Variants in TXNRD1 observed in about 807,000 individuals in gnomAD.
The protein encoded by TXNRD1 is thioredoxin reductase 1.
A neutral mutation model predicts 80.3 loss-of-function variants in TXNRD1; 57 were observed. The ratio of observed to expected loss-of-function variants is 0.71; its 90% CI spans 0.57 to 0.89. TXNRD1 has a LOEUF of 0.89. Among genes scored for constraint, TXNRD1 ranks in the 40% least tolerant of loss-of-function variants. The pLI, the probability that TXNRD1 is intolerant of heterozygous loss-of-function variation, is 0.00. For synonymous variants in TXNRD1, 291 were observed against 285.2 expected (o/e 1.02, Z -0.20); for missense variants, 730 against 803.0 (o/e 0.91, Z 1.10).
intron 4 of TXNRD1, chr12:104,303,888 C>T (rs930393181): frequency 1.3e-6 from 2 of 1,528,974 alleles, no homozygotes; most frequent in Non-Finnish European, 8.7e-7. Flanking sequence ...GTGATCATCC[C>T]CGGTAGCGAG....
intron 3 of TXNRD1, among the ~76,000 whole-genome samples, chr12:104,268,917 C>CTTT (rs34134230): frequency 1.6e-5 from 2 of 127,810 alleles, no homozygotes; most frequent in African/African-American, 2.9e-5. Context: ...GTTGTCATTT[C>CTTT]TTTTTTTTTT....
chr12:104,311,196 T>C (rs745697494), intron 4 of TXNRD1, 94 bp from the exon 5 acceptor site: 79 of 1,369,198 alleles, frequency 5.8e-5, no homozygotes, highest in Non-Finnish European at 7.2e-5. Context: ...GAAAATTCCT[T>C]TTGTTTTTCT....
chr12:104,298,711 G>T (rs1406947745), intron 4 of TXNRD1, among the ~76,000 whole-genome samples: 2 of 151,846 alleles, frequency 1.3e-5, no homozygotes, highest in Non-Finnish European at 2.9e-5. Context: ...GCAACCAAGC[G>T]AGACTCTATC....
At chr12:104,265,885 C>G (rs2033474197) in intron 3 of TXNRD1, 5 of 1,051,842 alleles carry the variant, frequency 4.8e-6, no homozygotes, top group Non-Finnish European at 6.7e-6. Context: ...CTCAGGAACG[C>G]CCCGGTGGAA....
chr12:104,234,489 T>TTG lies in TXNRD1; in HGVS notation c.92-17037_92-17036insGT, dbSNP rs1334310540. 5.9e-5 allele frequency among the ~76,000 whole-genome samples: 9 copies of TTG among 151,990 alleles called. No individual in the cohort carries two copies. The East Asian group carries it at 1.4e-3, about 23-fold the overall frequency. ...TTTGTATTATTGGTGGAGAAGGGGT[T>TTG]TCACCATATTGGCCAGGCTGGTCTT... On this transcript the variant is annotated intron_variant, in intron 1 of 16. Coordinates refer to ENST00000525566, the MANE Select transcript of TXNRD1 (RefSeq NM_001093771.3).
chr12:104,304,578 A>C, intron 4 of TXNRD1: 1 of 1,614,056 alleles, frequency 6.2e-7, no homozygotes, highest in Non-Finnish European at 8.5e-7. Flanking sequence ...AGTTATCCAG[A>C]AGCGACAGAA....
intron 1 of TXNRD1, among the ~76,000 whole-genome samples, chr12:104,243,202 T>C (rs894280025): frequency 1.3e-5 from 2 of 152,224 alleles, no homozygotes; most frequent in African/African-American, 4.8e-5. Flanking sequence ...TACTAATAAC[T>C]ACAATGTACT....
intron 6 of TXNRD1, 139 bp from the exon 7 acceptor site, chr12:104,315,638 G>A: frequency 1.1e-6 from 1 of 918,994 alleles, no homozygotes; most frequent in Non-Finnish European, 1.5e-6. Context: ...TAAGAGTTAG[G>A]AATAAACTTT....
Position 104,292,767 on chromosome 12 carries a change from G to A in TXNRD1, c.414+3727G>A, listed in dbSNP as rs899514228. On this transcript the variant is annotated intron_variant, in intron 4 of 16. Coordinates refer to ENST00000525566, the MANE Select transcript of TXNRD1 (RefSeq NM_001093771.3). ...TTAGGATAAATGTCAAGTTTGAGAC[G>A]CTTTAATATTATTGTACATAGGGTA... Among the ~76,000 whole-genome samples the A allele has an allele frequency of 5.3e-4, 81 of 152,218 alleles. 1 individual carries two copies. The highest frequency in any genetic ancestry group is 1.6e-3 in the African/African-American group (67 of 41,508).
chr12:104,309,860 G>A, intron 4 of TXNRD1: 2 of 1,535,782 alleles, frequency 1.3e-6, no homozygotes, highest in Non-Finnish European at 1.7e-6. Flanking sequence ...GACTGTCAGA[G>A]TGGTGCAGTC....
intron 12 of TXNRD1, among the ~76,000 whole-genome samples, 160 bp from the exon 13 acceptor site, chr12:104,327,355 A>G (rs2035800419): frequency 6.6e-6 from 1 of 152,148 alleles, no homozygotes; most frequent in African/African-American, 2.4e-5. Context: ...ATCTGATAAG[A>G]TTTTTGTTCC....
chr12:104,340,300 A>T (rs2135887360), intron 16 of TXNRD1, among the ~76,000 whole-genome samples: 1 of 152,282 alleles, frequency 6.6e-6, no homozygotes, highest in East Asian at 1.9e-4. Flanking sequence ...TAATGCCTTT[A>T]ATGTGCAATA....
At position 104,325,415 on chromosome 12, in the gene TXNRD1, G is replaced by A; in HGVS notation, c.1294G>A (p.Gly432Arg). ...CACCAATAGTGAGGAAATCATTGAAGGAGAATATAATACGGTAAGGAATGG... is the reference window on the plus strand; with the variant it reads ...CACCAATAGTGAGGAAATCATTGAAAGAGAATATAATACGGTAAGGAATGG... ...QSTNSEEIIE[G>R]EYNTVMLAIG... The change falls in exon 11 of 17, where the codon GGA (glycine) becomes AGA (arginine). Residue 432 changes from glycine to arginine, a missense_variant. Coordinates refer to ENST00000525566, the MANE Select transcript of TXNRD1 (RefSeq NM_001093771.3). 1 of 1,611,762 alleles carries A rather than the reference G, an allele frequency of 6.2e-7. No individual in the cohort carries two copies. Among genetic ancestry groups the A allele is most frequent in the South Asian group, 1.1e-5 (1 of 90,650 alleles).
At chr12:104,326,274 G>A (rs2035758944) in intron 11 of TXNRD1, 73 bp from the exon 12 acceptor site, 1 of 1,030,672 alleles carries the variant, frequency 9.7e-7, no homozygotes, top group South Asian at 1.6e-5. Context: ...TTAATAAGCA[G>A]AGAAAAATAT....
chr12:104,324,000 G>A (rs1419902471), intron 10 of TXNRD1, among the ~76,000 whole-genome samples: 1 of 152,196 alleles, frequency 6.6e-6, no homozygotes, highest in Non-Finnish European at 1.5e-5. Flanking sequence ...ACCTTCTGTG[G>A]AGAGTGGGGA....
Position 104,242,231 on chromosome 12 carries a change from G to T in TXNRD1, c.92-9296G>T, listed in dbSNP as rs935643308. Among the ~76,000 whole-genome samples the T allele has an allele frequency of 2.0e-4, 31 of 151,620 alleles. 1 individual carries two copies. The highest frequency in any genetic ancestry group is 2.0e-3 in the Admixed American group (31 of 15,238). The stretch of plus-strand genomic sequence containing the variant: ...TGGGATTACAGGCATGAGCCACTGT[G>T]TCCGGCCTACTAATGATTTTTTAAA... On this transcript the variant is annotated intron_variant, in intron 1 of 16. Transcript: ENST00000525566.
chr12:104,332,537 G>A (rs2035986643), intron 14 of TXNRD1, among the ~76,000 whole-genome samples: 1 of 151,840 alleles, frequency 6.6e-6, no homozygotes, highest in African/African-American at 2.4e-5. Context: ...ATCACCTGAG[G>A]CCAGGAGTTT....
chr12:104,316,693 T>C (rs1327928854), intron 7 of TXNRD1, among the ~76,000 whole-genome samples: 1 of 152,148 alleles, frequency 6.6e-6, no homozygotes, highest in Non-Finnish European at 1.5e-5. Context: ...CTGGTGGAAT[T>C]GTTAATTTTA....
chr12:104,296,029 GA>G, intron 4 of TXNRD1, among the ~76,000 whole-genome samples: 1 of 152,324 alleles, frequency 6.6e-6, no homozygotes, highest in African/African-American at 2.4e-5. Context: ...GTTTACAGAA[GA>G]GAAAATAAAA....
Sources: allele counts gnomAD v4.1 joint callset (sites outside exome capture counted in the v4.1 genomes callset), GRCh38; gene constraint gnomAD v4.1.1; transcripts MANE v1.5; gene names NCBI Gene and HGNC (gene_info 2026-07-23, HGNC 2026-07-21).